The following CAMKMT variants were observed in gnomAD, a reference collection of about 807,000 sequenced individuals.
The protein encoded by CAMKMT is CaM KMT.
CAMKMT carries 53 observed loss-of-function variants against 48.0 expected under a neutral mutation model. The observed-to-expected ratio is 1.10, with a 90% CI of 0.89 to 1.39. The LOEUF (loss-of-function observed/expected upper bound fraction) is 1.39. Ranked by LOEUF, CAMKMT falls within the 40% of genes most tolerant of loss-of-function variation. The pLI is 0.00. For synonymous variants in CAMKMT, 165 were observed against 152.3 expected (o/e 1.08, Z -0.61); for missense variants, 428 against 402.7 (o/e 1.06, Z -0.54).
At chr2:44,551,672 G>T (rs112919015) in intron 3 of CAMKMT, among the ~76,000 whole-genome samples, 1,697 of 152,238 alleles carry the variant, frequency 0.011, 22 homozygotes, top group African/African-American at 0.035. Context: ...GAAAAGATTT[G>T]TCGAAAACTC....
intron 3 of CAMKMT, among the ~76,000 whole-genome samples, chr2:44,397,457 T>C (rs1327556081): frequency 6.6e-6 from 1 of 152,202 alleles, no homozygotes; most frequent in African/African-American, 2.4e-5. Context: ...AATGTACATG[T>C]AGTCTTTGAT....
At chr2:44,700,207 C>G (rs1198233847) in intron 3 of CAMKMT, among the ~76,000 whole-genome samples, 6 of 152,198 alleles carry the variant, frequency 3.9e-5, no homozygotes, top group Non-Finnish European at 7.3e-5. Flanking sequence ...GGGCCTTGCT[C>G]TGGATTGGGC....
At chr2:44,751,544 C>T (rs2104386023) in intron 8 of CAMKMT, among the ~76,000 whole-genome samples, 1 of 152,302 alleles carries the variant, frequency 6.6e-6, no homozygotes, top group South Asian at 2.1e-4. Context: ...TACCTGTTAG[C>T]TAGTACTCAG....
chr2:44,381,260 TACTTA>T (rs1369269407), intron 2 of CAMKMT, among the ~76,000 whole-genome samples: 1 of 152,234 alleles, frequency 6.6e-6, no homozygotes, highest in Non-Finnish European at 1.5e-5. Context: ...TTAAAACATG[TACTTA>T]ACTTCTATTA....
intron 6 of CAMKMT, among the ~76,000 whole-genome samples, chr2:44,714,677 G>C (rs193107554): frequency 6.6e-6 from 1 of 152,158 alleles, no homozygotes; most frequent in Non-Finnish European, 1.5e-5. Context: ...CTGACAGAGA[G>C]GCTTGCCTTT....
chr2:44,439,769 G>A (rs1462307921), intron 3 of CAMKMT, among the ~76,000 whole-genome samples: 1 of 151,266 alleles, frequency 6.6e-6, no homozygotes, highest in Non-Finnish European at 1.5e-5. Context: ...ACCCGGGAGA[G>A]CAAGACTCCA....
At chr2:44,424,481 A>T (rs1398043373) in intron 3 of CAMKMT, among the ~76,000 whole-genome samples, 1 of 152,174 alleles carries the variant, frequency 6.6e-6, no homozygotes. Flanking sequence ...ACAGAACAGA[A>T]GGTTTCACAA....
Position 44,411,939 on chromosome 2 carries a change from A to G in CAMKMT, c.376+21634A>G, listed in dbSNP as rs1035083307. Among the ~76,000 whole-genome samples the G allele has an allele frequency of 4.1e-5, 6 of 148,084 alleles. No individual in the cohort carries two copies. In the South Asian group the frequency reaches 8.5e-4, roughly 21 times the overall value. On this transcript the variant is annotated intron_variant, in intron 3 of 10. Coordinates refer to ENST00000378494, the MANE Select transcript of CAMKMT (RefSeq NM_024766.5). ...CATTATTAAGAAACTTTGGCTTTGG[A>G]TACATAACCAATTAATATGTAACAT...
chr2:44,738,942 A>AG (rs1434508777), intron 7 of CAMKMT, among the ~76,000 whole-genome samples: 3 of 152,184 alleles, frequency 2.0e-5, no homozygotes, highest in African/African-American at 7.2e-5. Flanking sequence ...TGGCTGCTCA[A>AG]GCAGCCAGTA....
chr2:44,718,186 T>C (rs940710649), intron 7 of CAMKMT, among the ~76,000 whole-genome samples: 6 of 152,190 alleles, frequency 3.9e-5, no homozygotes, highest in African/African-American at 1.4e-4. Context: ...ACCTCTGCTG[T>C]CATAAGCACC....
chr2:44,436,319 C>G (rs1473510358), intron 3 of CAMKMT, among the ~76,000 whole-genome samples: 1 of 152,126 alleles, frequency 6.6e-6, no homozygotes. Flanking sequence ...CTCAAATGAT[C>G]TGCCCACCTC....
chr2:44,380,612 A>G (rs578196246), intron 2 of CAMKMT, among the ~76,000 whole-genome samples: 15 of 152,338 alleles, frequency 9.8e-5, no homozygotes, highest in Admixed American at 5.9e-4. Flanking sequence ...GAAGTAACCA[A>G]ACTGAATCTT....
At chr2:44,468,974 G>A (rs1037194915) in intron 3 of CAMKMT, among the ~76,000 whole-genome samples, 8 of 152,006 alleles carry the variant, frequency 5.3e-5, no homozygotes, top group Non-Finnish European at 8.8e-5. Flanking sequence ...GTTCTCACTC[G>A]TGTGGAAGCT....
intron 3 of CAMKMT, among the ~76,000 whole-genome samples, chr2:44,494,080 A>T: frequency 6.6e-6 from 1 of 152,230 alleles, no homozygotes; most frequent in East Asian, 1.9e-4. Context: ...TGTTACATTA[A>T]AGTGCATGTT....
At chr2:44,570,036 A>C (rs925806793) in intron 3 of CAMKMT, among the ~76,000 whole-genome samples, 52 of 152,072 alleles carry the variant, frequency 3.4e-4, no homozygotes, top group African/African-American at 1.2e-3. Context: ...TACATAGTTA[A>C]TTTTTTTCTT....
chr2:44,537,740 T>A (rs11124991), intron 3 of CAMKMT, among the ~76,000 whole-genome samples: 87,934 of 151,864 alleles, frequency 0.58, 26,606 homozygotes, highest in South Asian at 0.69. Flanking sequence ...ATTTTTTATA[T>A]TTTGTAGAAA....
At chr2:44,677,352 T>A (rs1675763719) in intron 3 of CAMKMT, among the ~76,000 whole-genome samples, 1 of 152,138 alleles carries the variant, frequency 6.6e-6, no homozygotes, top group African/African-American at 2.4e-5. Flanking sequence ...TAGGCAAACT[T>A]GTGCATATTT....
chr2:44,583,840 A>T (rs1669703992), intron 3 of CAMKMT, among the ~76,000 whole-genome samples: 1 of 152,140 alleles, frequency 6.6e-6, no homozygotes, highest in South Asian at 2.1e-4. Context: ...AGGAGACAAA[A>T]AATAAAATGC....
At chr2:44,545,880 T>A (rs1198483645) in intron 3 of CAMKMT, among the ~76,000 whole-genome samples, 2 of 151,946 alleles carry the variant, frequency 1.3e-5, no homozygotes, top group Admixed American at 1.3e-4. Flanking sequence ...AAAGGAGGGA[T>A]CATCAACTCA....
Sources: allele counts gnomAD v4.1 joint callset (sites outside exome capture counted in the v4.1 genomes callset), GRCh38; gene constraint gnomAD v4.1.1; transcripts MANE v1.5; gene names NCBI Gene and HGNC (gene_info 2026-07-23, HGNC 2026-07-21).